Variants in HHAT observed in about 807,000 individuals in gnomAD.
HHAT encodes the protein hedgehog acyltransferase.
HHAT carries 47 observed loss-of-function variants against 70.8 expected under a neutral mutation model. The observed-to-expected ratio is 0.66, with a 90% CI of 0.53 to 0.85. The LOEUF is 0.85. Among genes scored for constraint, HHAT ranks in the 40% least tolerant of loss-of-function variants. The pLI, the probability that HHAT is intolerant of heterozygous loss-of-function variation, is 0.00. For synonymous variants in HHAT, 228 were observed against 247.6 expected (o/e 0.92, Z 0.74); for missense variants, 609 against 604.8 (o/e 1.01, Z -0.07).
chr1:210,473,435 C>A (rs12133537), intron 8 of HHAT, among the ~76,000 whole-genome samples: 2 of 151,886 alleles, frequency 1.3e-5, no homozygotes, highest in Non-Finnish European at 1.5e-5. Context: ...AGGAGGGGTC[C>A]ATTCAGTTGA....
At chr1:210,499,278 C>G (rs1483202195) in intron 8 of HHAT, among the ~76,000 whole-genome samples, 1 of 152,174 alleles carries the variant, frequency 6.6e-6, no homozygotes, top group African/African-American at 2.4e-5. Flanking sequence ...GTGACATTGA[C>G]AGTTCACAAA....
chr1:210,374,055 T>G (rs1309292601), intron 3 of HHAT: 2 of 152,244 alleles, frequency 1.3e-5, no homozygotes, highest in Admixed American at 6.5e-5. Flanking sequence ...TTGCAAGTTC[T>G]GTTACACAAT....
intron 9 of HHAT, among the ~76,000 whole-genome samples, chr1:210,535,949 A>G (rs2095367729): frequency 6.6e-6 from 1 of 152,184 alleles, no homozygotes; most frequent in African/African-American, 2.4e-5. Flanking sequence ...AGATTCCAGT[A>G]ATTATTCAAC....
intron 3 of HHAT, among the ~76,000 whole-genome samples, chr1:210,371,867 C>G (rs2089602101): frequency 6.6e-6 from 1 of 152,128 alleles, no homozygotes; most frequent in Non-Finnish European, 1.5e-5. Flanking sequence ...TATCAAGAGT[C>G]TACTAATGTT....
chr1:210,601,280 A>G (rs1181609918), intron 10 of HHAT, among the ~76,000 whole-genome samples: 1 of 152,114 alleles, frequency 6.6e-6, no homozygotes, highest in Non-Finnish European at 1.5e-5. Flanking sequence ...TGGAATCCTA[A>G]CTCACCGCTT....
chr1:210,518,269 C>G (rs1349928123), intron 9 of HHAT, among the ~76,000 whole-genome samples: 1 of 152,138 alleles, frequency 6.6e-6, no homozygotes, highest in African/African-American at 2.4e-5. Context: ...ATGGTAACCA[C>G]TGTTTTATTC....
chr1:210,639,447 T>G (rs991433739), intron 11 of HHAT, among the ~76,000 whole-genome samples: 5 of 152,330 alleles, frequency 3.3e-5, no homozygotes, highest in South Asian at 2.1e-4. Context: ...GAAATGCTCT[T>G]TATCAATCCA....
At chr1:210,373,987 A>T (rs1025910475) in intron 3 of HHAT, among the ~76,000 whole-genome samples, 2 of 152,222 alleles carry the variant, frequency 1.3e-5, no homozygotes, top group African/African-American at 4.8e-5. Context: ...AAAGTTACAC[A>T]GACTTTTATC....
At chr1:210,495,234 AATAT>A (rs1395468848) in intron 8 of HHAT, among the ~76,000 whole-genome samples, 1 of 150,988 alleles carries the variant, frequency 6.6e-6, no homozygotes, top group Non-Finnish European at 1.5e-5. Flanking sequence ...ATACATCTAT[AATAT>A]ATAATACATG....
At chr1:210,466,523 G>A (rs982790260) in intron 8 of HHAT, among the ~76,000 whole-genome samples, 2 of 152,218 alleles carry the variant, frequency 1.3e-5, no homozygotes, top group Non-Finnish European at 2.9e-5. Context: ...AGTGTCTGGT[G>A]TGAACCTTGC....
chr1:210,651,383 G>A (rs552320745), intron 11 of HHAT, among the ~76,000 whole-genome samples: 4 of 152,288 alleles, frequency 2.6e-5, no homozygotes, highest in African/African-American at 9.6e-5. Flanking sequence ...AGCAAAAAGG[G>A]ACACTGAGGC....
intron 8 of HHAT, among the ~76,000 whole-genome samples, chr1:210,475,316 C>A (rs1287881803): frequency 6.6e-6 from 1 of 152,202 alleles, no homozygotes; most frequent in Non-Finnish European, 1.5e-5. Flanking sequence ...GCAGGAACTT[C>A]TGGATCTCTT....
At chr1:210,397,526 A>T (rs2091856291) in intron 4 of HHAT, among the ~76,000 whole-genome samples, 2 of 151,270 alleles carry the variant, frequency 1.3e-5, no homozygotes, top group African/African-American at 2.4e-5. Context: ...GATGAGTCAG[A>T]AGTGTTGTTT....
At chr1:210,595,566 G>C (rs1232141837) in intron 10 of HHAT, among the ~76,000 whole-genome samples, 1 of 152,166 alleles carries the variant, frequency 6.6e-6, no homozygotes. Flanking sequence ...GGTTGAACTA[G>C]TTTACAGTCC....
At chr1:210,593,883 T>A (rs926673335) in intron 10 of HHAT, among the ~76,000 whole-genome samples, 4 of 152,234 alleles carry the variant, frequency 2.6e-5, no homozygotes, top group Non-Finnish European at 5.9e-5. Flanking sequence ...TATATCTTCT[T>A]GCTGAATTGA....
At chr1:210,445,235 C>A (rs1428437049) in intron 7 of HHAT, among the ~76,000 whole-genome samples, 1 of 152,204 alleles carries the variant, frequency 6.6e-6, no homozygotes, top group Non-Finnish European at 1.5e-5. Context: ...CTCTCCCTAG[C>A]CCCCTCTGCC....
chr1:210,446,080 A>G (rs1057307569), intron 7 of HHAT, among the ~76,000 whole-genome samples: 6 of 152,204 alleles, frequency 3.9e-5, no homozygotes, highest in Admixed American at 3.9e-4. Flanking sequence ...TAAGCAGCCA[A>G]CTGTGGGAAG....
intron 3 of HHAT, among the ~76,000 whole-genome samples, chr1:210,381,124 G>T (rs2090604215): frequency 6.6e-6 from 1 of 151,954 alleles, no homozygotes; most frequent in African/African-American, 2.4e-5. Context: ...ATATAGTACG[G>T]GGAGGAAAAC....
chr1:210,510,597 A>G (rs1470700647), intron 8 of HHAT, among the ~76,000 whole-genome samples: 1 of 152,178 alleles, frequency 6.6e-6, no homozygotes, highest in African/African-American at 2.4e-5. Context: ...TCAATTAGTA[A>G]TAATGAAAGG....
Sources: allele counts gnomAD v4.1 joint callset (sites outside exome capture counted in the v4.1 genomes callset), GRCh38; gene constraint gnomAD v4.1.1; transcripts MANE v1.5; gene names NCBI Gene and HGNC (gene_info 2026-07-23, HGNC 2026-07-21).